NAALADL2: variants seen among roughly 807,000 people sequenced by gnomAD.
NAALADL2 encodes inactive N-acetylated-alpha-linked acidic dipeptidase-like protein 2.
In NAALADL2, 76 loss-of-function variants were observed where a neutral mutation model predicts 87.2. That is an observed-to-expected ratio of 0.87 (90% CI 0.72 to 1.05). The LOEUF (loss-of-function observed/expected upper bound fraction) is 1.05. NAALADL2 is among the 50% of genes least tolerant of loss of function. The probability of loss-of-function intolerance (pLI) is 0.00; values close to 1 mark genes in which losing one functional copy is unlikely to be tolerated. For missense variants in NAALADL2, 1,089 were observed against 945.8 expected (o/e 1.15, Z -1.99); for synonymous variants, 354 against 331.0 (o/e 1.07, Z -0.75).
chr3:174,574,897 C>T (rs376359224), intron 2 of NAALADL2, among the ~76,000 whole-genome samples: 11 of 152,034 alleles, frequency 7.2e-5, no homozygotes, highest in South Asian at 6.2e-4. Context: ...AAAAGCAAAA[C>T]GAGTTTATCC....
At chr3:175,699,385 A>G (rs533624857) in intron 11 of NAALADL2, among the ~76,000 whole-genome samples, 1 of 152,174 alleles carries the variant, frequency 6.6e-6, no homozygotes, top group East Asian at 1.9e-4. Flanking sequence ...TGTTTTCTTG[A>G]GTAGTCCTCT....
intron 12 of NAALADL2, among the ~76,000 whole-genome samples, chr3:175,738,960 T>A (rs1017824182): frequency 6.6e-6 from 1 of 152,192 alleles, no homozygotes; most frequent in Admixed American, 6.5e-5. Context: ...TTCTGTAAAC[T>A]GTTTTGCTGT....
At position 175,646,858 on chromosome 3, in the gene NAALADL2, C is replaced by T. The variant is rs145289993; in HGVS notation, c.1896+19472C>T. 1.4e-4 allele frequency among the ~76,000 whole-genome samples: 21 copies of T among 151,998 alleles called. No homozygotes were observed. The East Asian group carries it at 3.7e-3, about 27-fold the overall frequency. ...TAGCTCTGGTATATCTTTATCCAGC[C>T]GAGTGTTAAATTCCCCATTATAATA... On this transcript the variant is annotated intron_variant, in intron 11 of 13. Coordinates refer to ENST00000454872, the MANE Select transcript of NAALADL2 (RefSeq NM_207015.3).
intron 5 of NAALADL2, among the ~76,000 whole-genome samples, chr3:175,412,625 G>A (rs1581778664): frequency 6.6e-6 from 1 of 151,996 alleles, no homozygotes; most frequent in African/African-American, 2.4e-5. Flanking sequence ...AAAATACCCA[G>A]ATGGTGTTTT....
At chr3:175,266,626 A>C (rs947990004) in intron 4 of NAALADL2, among the ~76,000 whole-genome samples, 21 of 151,794 alleles carry the variant, frequency 1.4e-4, no homozygotes, top group African/African-American at 5.1e-4. Context: ...TACTCCTATT[A>C]AACTCCTTTT....
At chr3:175,561,593 T>C (rs909642588) in intron 9 of NAALADL2, among the ~76,000 whole-genome samples, 1 of 152,176 alleles carries the variant, frequency 6.6e-6, no homozygotes, top group Non-Finnish European at 1.5e-5. Context: ...CTGTACAAAA[T>C]ATGTATACTG....
At chr3:175,074,714 T>C (rs1716269821) in intron 1 of NAALADL2, among the ~76,000 whole-genome samples, 2 of 152,098 alleles carry the variant, frequency 1.3e-5, no homozygotes, top group African/African-American at 4.8e-5. Context: ...TAAAATGATA[T>C]GGCTGAGGGT....
At chr3:174,854,424 T>C (rs1344354483), upstream of NAALADL2, among the ~76,000 whole-genome samples, 1 of 152,130 alleles carries the variant, frequency 6.6e-6, no homozygotes, top group Non-Finnish European at 1.5e-5. Flanking sequence ...GGTTAATGGG[T>C]ACAAAACTAC....
chr3:175,018,034 G>T (rs924321134), intron 1 of NAALADL2, among the ~76,000 whole-genome samples: 1 of 151,968 alleles, frequency 6.6e-6, no homozygotes, highest in Admixed American at 6.6e-5. Context: ...AATGATATTA[G>T]CATCCAGCAC....
intron 5 of NAALADL2, among the ~76,000 whole-genome samples, chr3:175,430,154 C>G (rs749986833): frequency 7.9e-5 from 12 of 151,844 alleles, no homozygotes; most frequent in Non-Finnish European, 1.8e-4. Context: ...TGGATCCTTT[C>G]ATCTTTAATA....
rs113964704 is a variant in NAALADL2, at chr3:175,739,406, C to T, written c.1990+2007C>T. Reference sequence around the variant, plus strand: ...AAATCTACAAATTGGCACAATATTTCCACATTATAACCACTATATAAACAT... The same window carrying T: ...AAATCTACAAATTGGCACAATATTTTCACATTATAACCACTATATAAACAT... On this transcript the variant is annotated intron_variant, in intron 12 of 13. Coordinates refer to ENST00000454872, the MANE Select transcript of NAALADL2 (RefSeq NM_207015.3). Among the ~76,000 whole-genome samples the T allele has an allele frequency of 2.7e-3, 408 of 152,252 alleles. 1 individual carries two copies. Among genetic ancestry groups the T allele is most frequent in the African/African-American group, 9.3e-3 (385 of 41,546 alleles).
chr3:174,872,773 G>T (rs771183702), intron 1 of NAALADL2, among the ~76,000 whole-genome samples: 1 of 151,526 alleles, frequency 6.6e-6, no homozygotes, highest in Non-Finnish European at 1.5e-5. Context: ...GTAGCTTCAG[G>T]TTTCTCTGAT....
chr3:174,638,843 A>G (rs1430199352), intron 2 of NAALADL2, among the ~76,000 whole-genome samples: 2 of 152,226 alleles, frequency 1.3e-5, no homozygotes, highest in Non-Finnish European at 2.9e-5. Flanking sequence ...TTATAGCTTC[A>G]TTAAACCATG....
chr3:175,271,178 A>T (rs1326015721), intron 4 of NAALADL2: 1 of 152,196 alleles, frequency 6.6e-6, no homozygotes, highest in Non-Finnish European at 1.5e-5. Context: ...AAAGAAGAAA[A>T]CAAAAGTTAC....
intron 13 of NAALADL2, among the ~76,000 whole-genome samples, chr3:175,798,612 C>G (rs540223831): frequency 2.6e-5 from 4 of 152,048 alleles, no homozygotes; most frequent in Non-Finnish European, 5.9e-5. Context: ...CATTCCATTG[C>G]ATTGGCCTTT....
chr3:174,703,391 G>A (rs1344174817), intron 2 of NAALADL2, among the ~76,000 whole-genome samples: 1 of 151,136 alleles, frequency 6.6e-6, no homozygotes, highest in East Asian at 2.0e-4. Flanking sequence ...GAAGAGATAT[G>A]ATTAGTGAGG....
At chr3:175,669,726 G>A (rs969014361) in intron 11 of NAALADL2, among the ~76,000 whole-genome samples, 1 of 151,810 alleles carries the variant, frequency 6.6e-6, no homozygotes, top group African/African-American at 2.4e-5. Flanking sequence ...TTAAATTAAG[G>A]CAATATAAGG....
intron 2 of NAALADL2, among the ~76,000 whole-genome samples, chr3:174,634,854 A>G (rs1049865795): frequency 2.0e-5 from 3 of 152,160 alleles, no homozygotes; most frequent in African/African-American, 7.2e-5. Flanking sequence ...GTGAATTTAA[A>G]TATGACAATG....
intron 10 of NAALADL2, among the ~76,000 whole-genome samples, chr3:175,590,917 A>C (rs1226817159): frequency 1.3e-5 from 2 of 152,152 alleles, no homozygotes; most frequent in Non-Finnish European, 2.9e-5. Context: ...GTGCTTAGGG[A>C]TGAAGGGGGG....
Sources: gnomAD v4.1 joint callset for allele counts (sites outside exome capture counted in the v4.1 genomes callset) on GRCh38, gnomAD v4.1.1 for gene constraint, MANE v1.5 for transcripts, NCBI Gene and HGNC (gene_info 2026-07-23, HGNC 2026-07-21) for gene names.